Variants in PCBP3 observed in about 807,000 individuals in gnomAD.
The protein encoded by PCBP3 is poly(rC)-binding protein 3.
In PCBP3, 25 loss-of-function variants were observed where a neutral mutation model predicts 52.7. The ratio of observed to expected loss-of-function variants is 0.47; its 90% confidence interval spans 0.35 to 0.66. PCBP3 has a LOEUF of 0.66. Ranked by LOEUF, PCBP3 falls within the 30% of genes least tolerant of loss-of-function variation. The probability of loss-of-function intolerance (pLI) is 0.01; values close to 1 mark genes in which losing one functional copy is unlikely to be tolerated. For synonymous variants in PCBP3, 162 were observed against 183.0 expected (o/e 0.89, Z 0.93); for missense variants, 391 against 490.3 (o/e 0.80, Z 1.91).
At chr21:45,858,768 G>A (rs2094401727) in intron 5 of PCBP3, 2 of 152,198 alleles carry the variant, frequency 1.3e-5, no homozygotes. Context: ...TTGAATTGTA[G>A]CTCCCACAAT....
chr21:45,891,293 G>T (rs1490668259), intron 5 of PCBP3, among the ~76,000 whole-genome samples: 1 of 152,250 alleles, frequency 6.6e-6, no homozygotes, highest in East Asian at 1.9e-4. Context: ...GAGAAGAACT[G>T]TGCACAAATG....
intron 14 of PCBP3, among the ~76,000 whole-genome samples, chr21:45,930,385 G>A (rs2076026751): frequency 6.6e-6 from 1 of 152,180 alleles, no homozygotes; most frequent in Non-Finnish European, 1.5e-5. Context: ...CAAGAGCACA[G>A]CTGACGTGGA....
chr21:45,673,543 C>T (rs987400579), intron 2 of PCBP3: 10 of 152,128 alleles, frequency 6.6e-5, no homozygotes, highest in African/African-American at 1.9e-4. Flanking sequence ...TAGTATCCTA[C>T]AAGAAGTGCC....
At chr21:45,886,113 CATT>C (rs1454945384) in intron 5 of PCBP3, among the ~76,000 whole-genome samples, 1,049 of 89,248 alleles carry the variant, frequency 0.012, 114 homozygotes, top group South Asian at 0.022. Flanking sequence ...GAGGAGGCCT[CATT>C]GCCGCTGGTA....
intron 17 of PCBP3, 146 bp downstream of exon 17, chr21:45,940,345 A>G (rs2077324787): frequency 2.9e-6 from 2 of 691,564 alleles, no homozygotes; most frequent in South Asian, 4.2e-5. Context: ...TCCAGGCTGG[A>G]TGGTGGGGAC....
At chr21:45,795,749 A>G (rs2091891617) in intron 4 of PCBP3, among the ~76,000 whole-genome samples, 1 of 152,250 alleles carries the variant, frequency 6.6e-6, no homozygotes, top group Non-Finnish European at 1.5e-5. Flanking sequence ...AGGTTAATAC[A>G]GTAGAGCATG....
In PCBP3 at chr21:45,709,507, C is replaced by T. The variant is rs552044285; in HGVS notation, c.-199-25885C>T. 2.6e-5 allele frequency among the ~76,000 whole-genome samples: 4 copies of T among 152,198 alleles called. No homozygotes were observed. The South Asian group carries it at 6.2e-4, about 24-fold the overall frequency. On this transcript the variant is annotated intron_variant, in intron 2 of 17. Transcript: ENST00000681687. ...ACGACTTTTCAGAATTTGGCACTGCCGTGAGAGCTGCTGTTTTCCCAACAT... is the reference window on the plus strand; with the variant it reads ...ACGACTTTTCAGAATTTGGCACTGCTGTGAGAGCTGCTGTTTTCCCAACAT...
At chr21:45,876,255 C>G (rs886288411) in intron 5 of PCBP3, among the ~76,000 whole-genome samples, 1 of 152,188 alleles carries the variant, frequency 6.6e-6, no homozygotes, top group African/African-American at 2.4e-5. Context: ...TGTCTCTCAT[C>G]AGAGATATTA....
chr21:45,775,677 C>T (rs919509188), intron 4 of PCBP3, among the ~76,000 whole-genome samples: 1 of 152,232 alleles, frequency 6.6e-6, no homozygotes, highest in African/African-American at 2.4e-5. Context: ...CACTGCAGCT[C>T]TCAAAGTGCT....
chr21:45,900,769 C>T (rs997158210), intron 8 of PCBP3, 146 bp downstream of exon 8: 6 of 715,258 alleles, frequency 8.4e-6, no homozygotes, highest in African/African-American at 3.5e-5. Flanking sequence ...TTTTCCCCTA[C>T]TCAGGCCTCC....
At position 45,928,848 on chromosome 21, in the gene PCBP3, G is replaced by T. The variant is rs1244395977; in HGVS notation, c.718-1069G>T. Among the ~76,000 whole-genome samples the T allele has an allele frequency of 2.0e-5, 3 of 152,120 alleles. No homozygotes were observed. The highest frequency in any genetic ancestry group is 2.4e-5 in the African/African-American group (1 of 41,438). On this transcript the variant is annotated intron_variant, in intron 13 of 17. Transcript: ENST00000681687. The surrounding 1 kb of genome is among the most constrained non-coding windows in gnomAD (Gnocchi z 4.1). ...CTGAAGGGAAAATGCTGGGGAGGTG[G>T]TGCCCTCCCCAAATGTGCCACCTCC...
chr21:45,897,871 C>G (rs1001258009), intron 6 of PCBP3, among the ~76,000 whole-genome samples: 2 of 152,220 alleles, frequency 1.3e-5, no homozygotes, highest in Non-Finnish European at 2.9e-5. Flanking sequence ...CCAGTTCCAG[C>G]CCCACAGCAC....
chr21:45,903,320 T>C (rs1243495459), intron 9 of PCBP3, among the ~76,000 whole-genome samples: 2 of 152,186 alleles, frequency 1.3e-5, no homozygotes, highest in Non-Finnish European at 2.9e-5. Context: ...AAGTTTTGAA[T>C]GACCTAGGGA....
chr21:45,902,185 A>G (rs1439886224), intron 9 of PCBP3, among the ~76,000 whole-genome samples: 1 of 152,222 alleles, frequency 6.6e-6, no homozygotes, highest in Non-Finnish European at 1.5e-5. Flanking sequence ...CTGGGGATGC[A>G]CATGAGGGAA....
chr21:45,915,334 C>A (rs554722166), intron 12 of PCBP3: 17 of 152,332 alleles, frequency 1.1e-4, no homozygotes, highest in African/African-American at 4.1e-4. Context: ...AGTCACACGG[C>A]GGGAGAAGTC....
chr21:45,807,837 A>G (rs1569249398), intron 4 of PCBP3, among the ~76,000 whole-genome samples: 2 of 152,144 alleles, frequency 1.3e-5, no homozygotes, highest in Admixed American at 1.3e-4. Context: ...ACAGCATGGT[A>G]CCAAAACAGA....
In PCBP3 at chr21:45,791,104, C is replaced by T. The variant is rs1267896577; in HGVS notation, c.-126+35652C>T. On this transcript the variant is annotated intron_variant, in intron 4 of 17. Transcript: ENST00000681687. The surrounding 1 kb of genome is among the most constrained non-coding windows in gnomAD (Gnocchi z 4.2). ...CACCGAGGCCAGCATCTTGCAGTGG[C>T]GAAGGTGCAGAGATGGTGGGGTCCA... Among the ~76,000 whole-genome samples the T allele has an allele frequency of 3.3e-5, 5 of 151,964 alleles. No individual in the cohort carries two copies. Among genetic ancestry groups the T allele is most frequent in the South Asian group, 4.2e-4 (2 of 4,808 alleles).
chr21:45,696,883 A>ATTAT (rs1303821030), intron 2 of PCBP3, among the ~76,000 whole-genome samples: 1 of 152,192 alleles, frequency 6.6e-6, no homozygotes, highest in Non-Finnish European at 1.5e-5. Flanking sequence ...GTAACTTATA[A>ATTAT]AGAAGTACTC....
At chr21:45,680,217 A>C (rs1332593504) in intron 2 of PCBP3, among the ~76,000 whole-genome samples, 1 of 152,102 alleles carries the variant, frequency 6.6e-6, no homozygotes, top group Non-Finnish European at 1.5e-5. Flanking sequence ...TTGCTTTTCC[A>C]TATTTATTTT....
Sources: gnomAD v4.1 joint callset for allele counts (sites outside exome capture counted in the v4.1 genomes callset) on GRCh38, gnomAD v4.1.1 for gene constraint, Gnocchi (gnomAD v3.1) non-coding constraint, MANE v1.5 for transcripts, NCBI Gene and HGNC (gene_info 2026-07-23, HGNC 2026-07-21) for gene names.